The following RAVER2 variants were observed in gnomAD, a reference collection of about 807,000 sequenced individuals.
RAVER2 encodes the protein ribonucleoprotein, PTB binding 2, also known as ribonucleoprotein PTB-binding 2.
A neutral mutation model predicts 78.1 loss-of-function variants in RAVER2; 46 were observed. The ratio of observed to expected loss-of-function variants is 0.59; its 90% CI spans 0.46 to 0.75. RAVER2 has a LOEUF of 0.75. Among genes scored for constraint, RAVER2 ranks in the 30% least tolerant of loss-of-function variants. The pLI is 0.00. For missense variants in RAVER2, 793 were observed against 837.5 expected, an observed-to-expected ratio of 0.95 and a Z score of 0.66; for synonymous variants, 311 against 313.3, an observed-to-expected ratio of 0.99 and a Z score of 0.08.
chr1:64,811,247 G>A (rs1181736361), intron 9 of RAVER2, among the ~76,000 whole-genome samples: 1 of 152,168 alleles, frequency 6.6e-6, no homozygotes, highest in Non-Finnish European at 1.5e-5. Context: ...CTATTGCGGT[G>A]AGCTCAAGTG....
chr1:64,829,844 C>G (rs1654082167), intron 11 of RAVER2, among the ~76,000 whole-genome samples: 1 of 152,116 alleles, frequency 6.6e-6, no homozygotes, highest in East Asian at 1.9e-4. Flanking sequence ...CCACAGTAAG[C>G]CACTTTGAAA....
At chr1:64,808,649 A>G (rs1013182961) in intron 9 of RAVER2, among the ~76,000 whole-genome samples, 1 of 151,754 alleles carries the variant, frequency 6.6e-6, no homozygotes, top group African/African-American at 2.4e-5. Flanking sequence ...TTTAGTAGAG[A>G]TGGGGTTTCA....
chr1:64,821,815 C>G, intron 11 of RAVER2, among the ~76,000 whole-genome samples: 1 of 152,118 alleles, frequency 6.6e-6, no homozygotes, highest in Non-Finnish European at 1.5e-5. Flanking sequence ...TATAAAAACC[C>G]TGGAAGACAA....
At position 64,814,854 on chromosome 1, in the gene RAVER2, A is replaced by G; in HGVS notation, c.1929+14A>G. On this transcript the variant is annotated intron_variant, in intron 11 of 11. Transcript: ENST00000294428. ...GATTATGCACAGGTAAATAATTCCC[A>G]GGTTCTGATGATACTCAGAAAAATT... 6 of 1,530,344 alleles carry G rather than the reference A, an allele frequency of 3.9e-6. No homozygotes were observed. Among genetic ancestry groups the G allele is most frequent in the Non-Finnish European group, 5.3e-6 (6 of 1,135,274 alleles). 94.8% of individuals were successfully genotyped at this position (1,530,344 alleles called of 1,614,324 possible).
At chr1:64,751,783 A>AT (rs1280615667) in intron 1 of RAVER2, among the ~76,000 whole-genome samples, 1 of 151,890 alleles carries the variant, frequency 6.6e-6, no homozygotes, top group African/African-American at 2.4e-5. Context: ...TTTTAATTTA[A>AT]TTTTTTTAAA....
At chr1:64,751,614 G>A (rs1651700630) in intron 1 of RAVER2, among the ~76,000 whole-genome samples, 1 of 152,086 alleles carries the variant, frequency 6.6e-6, no homozygotes, top group Non-Finnish European at 1.5e-5. Flanking sequence ...ATGTTGCTAT[G>A]TTGCCCAGGC....
chr1:64,817,734 C>CACACA (rs1341249801), intron 11 of RAVER2, among the ~76,000 whole-genome samples: 1 of 138,202 alleles, frequency 7.2e-6, no homozygotes, highest in Non-Finnish European at 1.5e-5. Flanking sequence ...AGGGGAACGT[C>CACACA]ACACACTGGG....
chr1:64,759,422 T>A (rs1478445164), intron 1 of RAVER2, among the ~76,000 whole-genome samples: 2 of 150,416 alleles, frequency 1.3e-5, no homozygotes, highest in African/African-American at 4.9e-5. Context: ...GGTTTCACCG[T>A]GTTAGCCAGA....
At chr1:64,799,828 G>A (rs909248130) in intron 5 of RAVER2, among the ~76,000 whole-genome samples, 3 of 152,020 alleles carry the variant, frequency 2.0e-5, no homozygotes, top group African/African-American at 7.2e-5. Flanking sequence ...AGAAACCATC[G>A]TACTGTTTTC....
chr1:64,782,465 G>A (rs527871261), intron 4 of RAVER2, among the ~76,000 whole-genome samples: 3 of 152,334 alleles, frequency 2.0e-5, no homozygotes, highest in African/African-American at 7.2e-5. Context: ...TGACATTTGA[G>A]TGTGACAACG....
intron 11 of RAVER2, among the ~76,000 whole-genome samples, chr1:64,824,211 C>T (rs1021566655): frequency 4.6e-5 from 7 of 152,168 alleles, no homozygotes; most frequent in Non-Finnish European, 1.0e-4. Flanking sequence ...TACCCTGATT[C>T]CAGGGATCTC....
chr1:64,778,143 A>G (rs954240096), intron 3 of RAVER2, 51 bp downstream of exon 3: 1 of 1,300,306 alleles, frequency 7.7e-7, no homozygotes. Context: ...ATACATATGT[A>G]TCTAATCTAC....
chr1:64,745,815 C>T lies in RAVER2; in HGVS notation c.249+394C>T, dbSNP rs960124970. Among the ~76,000 whole-genome samples, 23 of 152,032 alleles carry T rather than the reference C, an allele frequency of 1.5e-4. No individual in the cohort carries two copies. The highest frequency in any genetic ancestry group is 2.8e-4 in the Non-Finnish European group (19 of 68,012). On this transcript the variant is annotated intron_variant, in intron 1 of 11. Transcript: ENST00000294428. The surrounding 1 kb of genome is among the most constrained non-coding windows in gnomAD (Gnocchi z 4.3). ...AGAGGGGGCCGAAGCTTCGGGAGCACCTTGGCAGGGGCGAGGGCTCCAACG... is the reference window on the plus strand; with the variant it reads ...AGAGGGGGCCGAAGCTTCGGGAGCATCTTGGCAGGGGCGAGGGCTCCAACG...
chr1:64,822,776 A>G (rs544144284), intron 11 of RAVER2, among the ~76,000 whole-genome samples: 1 of 152,346 alleles, frequency 6.6e-6, no homozygotes, highest in African/African-American at 2.4e-5. Flanking sequence ...CAAAAAGGAA[A>G]ACAACCCAAA....
chr1:64,778,721 T>A (rs1324499508), intron 3 of RAVER2, among the ~76,000 whole-genome samples: 2 of 149,248 alleles, frequency 1.3e-5, no homozygotes, highest in African/African-American at 4.9e-5. Flanking sequence ...ATACTATATA[T>A]AACACTTTTC....
At chr1:64,826,202 G>A (rs753222306) in intron 11 of RAVER2, among the ~76,000 whole-genome samples, 1 of 152,186 alleles carries the variant, frequency 6.6e-6, no homozygotes, top group Admixed American at 6.5e-5. Flanking sequence ...TAGGGATATG[G>A]CAATGAACAA....
chr1:64,812,757 C>T, exon 10 of RAVER2: 2 of 1,611,584 alleles, frequency 1.2e-6, no homozygotes, highest in Non-Finnish European at 1.7e-6. Flanking sequence ...AAGAATCAAA[C>T]TTCACTCTTG....
At chr1:64,787,764 C>T (rs1652822665) in intron 4 of RAVER2, among the ~76,000 whole-genome samples, 1 of 152,208 alleles carries the variant, frequency 6.6e-6, no homozygotes, top group Non-Finnish European at 1.5e-5. Flanking sequence ...AAGCCATGCT[C>T]TCTGAAGGCA....
chr1:64,775,938 A>T (rs1307750263), intron 2 of RAVER2, among the ~76,000 whole-genome samples: 1 of 151,602 alleles, frequency 6.6e-6, no homozygotes, highest in African/African-American at 2.4e-5. Flanking sequence ...GAATTGCTTG[A>T]ACCTGGGAGG....
Sources: allele counts gnomAD v4.1 joint callset (sites outside exome capture counted in the v4.1 genomes callset), GRCh38; gene constraint gnomAD v4.1.1; non-coding constraint Gnocchi (gnomAD v3.1); transcripts MANE v1.5; gene names NCBI Gene and HGNC (gene_info 2026-07-23, HGNC 2026-07-21).